The following CAMSAP1 variants were observed in gnomAD, a reference collection of about 807,000 sequenced individuals.
CAMSAP1 encodes the protein calmodulin-regulated spectrin-associated protein 1.
Under a neutral mutation model 143.5 loss-of-function variants are expected in CAMSAP1, and 58 were observed. The observed-to-expected ratio is 0.40, with a 90% CI of 0.33 to 0.50. The LOEUF (loss-of-function observed/expected upper bound fraction) is 0.50. Among genes scored for constraint, CAMSAP1 ranks in the 20% least tolerant of loss-of-function variants. The probability of loss-of-function intolerance (pLI) is 0.45; values close to 1 mark genes in which losing one functional copy is unlikely to be tolerated. For synonymous variants in CAMSAP1, 945 were observed against 859.3 expected (o/e 1.10, Z -1.74); for missense variants, 1,969 against 2,115.7 (o/e 0.93, Z 1.36).
intron 3 of CAMSAP1, among the ~76,000 whole-genome samples, chr9:135,875,609 C>T (rs767015487): frequency 1.8e-4 from 27 of 152,134 alleles, no homozygotes; most frequent in Non-Finnish European, 8.8e-5. Context: ...TCGGTGGAAC[C>T]GAATAGAATC....
chr9:135,838,803 C>T (rs112700095), intron 7 of CAMSAP1, among the ~76,000 whole-genome samples: 1 of 150,366 alleles, frequency 6.7e-6, no homozygotes, highest in Non-Finnish European at 1.5e-5. Context: ...CATGTCATCA[C>T]GCACTTTCTA....
intron 3 of CAMSAP1, among the ~76,000 whole-genome samples, chr9:135,878,883 A>G (rs996267466): frequency 2.6e-5 from 4 of 152,366 alleles, no homozygotes; most frequent in African/African-American, 7.2e-5. Flanking sequence ...AGAAAACAGT[A>G]AAATATGGAA....
rs1241261373 is a variant in CAMSAP1 at position 135,819,075 on chromosome 9, G to C, written c.3894C>G (p.Ala1298=). 16 of 1,604,260 alleles carry C rather than the reference G, an allele frequency of 1.0e-5. No homozygotes were observed. The highest frequency in any genetic ancestry group is 1.4e-5 in the Non-Finnish European group (16 of 1,177,082). Residue 1298 remains alanine, a synonymous_variant, in exon 12 of 17, where the codon GCC becomes GCG. Coordinates refer to ENST00000389532, the MANE Select transcript of CAMSAP1 (RefSeq NM_015447.4). ...AAFLLKQQRK[A]EEARVRKQQL... ...GCTGCTTGCGCACGCGGGCCTCCTC[G>C]GCCTTGCGCTGCTGCTTCAGGAGGA...
chr9:135,875,173 A>G (rs1837698102), intron 3 of CAMSAP1, among the ~76,000 whole-genome samples: 1 of 152,110 alleles, frequency 6.6e-6, no homozygotes, highest in African/African-American at 2.4e-5. Context: ...CTCTAAAATT[A>G]AGGGTAGGCA....
intron 3 of CAMSAP1, among the ~76,000 whole-genome samples, chr9:135,867,477 CTT>C (rs547781628): frequency 8.6e-5 from 12 of 139,540 alleles, no homozygotes; most frequent in African/African-American, 2.4e-4. Context: ...AGACCCCCCT[CTT>C]TTTTTTTTTT....
rs1417106097 is a variant in CAMSAP1, at chr9:135,824,557, T to C, written c.1315+232A>G. Among the ~76,000 whole-genome samples the C allele has an allele frequency of 6.6e-6, 1 of 152,008 alleles. No individual in the cohort carries two copies. The highest frequency in any genetic ancestry group is 1.9e-4 in the East Asian group (1 of 5,186). ...GCATGCGCCTATAATCCCAGCTATGTGGGAGGCTGAGGCAGGAGAATTGCT... is the reference window on the plus strand; with the variant it reads ...GCATGCGCCTATAATCCCAGCTATGCGGGAGGCTGAGGCAGGAGAATTGCT... On this transcript the variant is annotated intron_variant, in intron 9 of 16. Coordinates refer to ENST00000389532, the MANE Select transcript of CAMSAP1 (RefSeq NM_015447.4). The surrounding 1 kb of genome is among the most constrained non-coding windows in gnomAD (Gnocchi z 4.1).
In CAMSAP1 at chr9:135,823,300, A is replaced by G. The variant is rs552674722; in HGVS notation, c.1401-40T>C. On this transcript the variant is annotated intron_variant, in intron 10 of 16. Coordinates refer to ENST00000389532, the MANE Select transcript of CAMSAP1 (RefSeq NM_015447.4). ...AGGCCCACTGGGTGCGCTGCGGTATACACCAAAGACCCCCAACATGGACCA... is the reference window on the plus strand; with the variant it reads ...AGGCCCACTGGGTGCGCTGCGGTATGCACCAAAGACCCCCAACATGGACCA... 2.6e-6 allele frequency: 4 copies of G among 1,516,084 alleles called. No homozygotes were observed. In the African/African-American group the frequency reaches 5.6e-5, roughly 21 times the overall value. The allele number at this position is 1,516,084 out of a possible 1,614,324, so 93.9% of individuals were successfully genotyped here.
chr9:135,864,183 T>C (rs571902151), intron 4 of CAMSAP1, among the ~76,000 whole-genome samples: 2 of 152,326 alleles, frequency 1.3e-5, no homozygotes, highest in South Asian at 4.1e-4. Context: ...TGGTAACATG[T>C]TTCTGTTTTT....
intron 4 of CAMSAP1, among the ~76,000 whole-genome samples, chr9:135,864,079 A>G (rs529710894): frequency 6.0e-4 from 92 of 152,198 alleles, no homozygotes; most frequent in African/African-American, 2.1e-3. Context: ...GCCTTTCCAC[A>G]CTTCTCCTCA....
intron 7 of CAMSAP1, among the ~76,000 whole-genome samples, chr9:135,840,098 G>A (rs967604115): frequency 1.3e-5 from 2 of 152,228 alleles, no homozygotes; most frequent in African/African-American, 4.8e-5. Context: ...ACCCCTTGCA[G>A]CCTGGAAGGG....
intron 7 of CAMSAP1, among the ~76,000 whole-genome samples, chr9:135,829,340 GAA>G (rs58931804): frequency 2.2e-5 from 3 of 134,152 alleles, no homozygotes; most frequent in African/African-American, 2.7e-5. Flanking sequence ...CATCTCTACT[GAA>G]AAAAAAAAAA....
At chr9:135,906,642 C>A (rs995394232) in intron 1 of CAMSAP1, among the ~76,000 whole-genome samples, 1 of 152,210 alleles carries the variant, frequency 6.6e-6, no homozygotes, top group African/African-American at 2.4e-5. Context: ...CGGGAAGCGG[C>A]GCCTCAGACG....
At chr9:135,856,298 G>A (rs1304000295) in intron 5 of CAMSAP1, among the ~76,000 whole-genome samples, 1 of 152,298 alleles carries the variant, frequency 6.6e-6, no homozygotes, top group East Asian at 1.9e-4. Flanking sequence ...GAGAGAGAAT[G>A]AGAGCCAAGC....
At position 135,820,995 on chromosome 9, in the gene CAMSAP1, G is replaced by A. The variant is rs542591480; in HGVS notation, c.3666C>T (p.Pro1222=). 2.9e-5 allele frequency: 47 copies of A among 1,612,596 alleles called. No homozygotes were observed. Among genetic ancestry groups the A allele is most frequent in the East Asian group, 2.9e-4 (13 of 44,854 alleles). ...CCCTGCTCCTCAGAGGCTCCTCCAC[G>A]GGGACGCTCTCTTTTCCCGAGACAT... ...SSDVSGKESV[P]VEEPLRSRAS... Residue 1222 remains proline, a synonymous_variant, in exon 11 of 17, where the codon CCC becomes CCT. Coordinates refer to ENST00000389532, the MANE Select transcript of CAMSAP1 (RefSeq NM_015447.4). This position sits in a 1 kb window ranked among gnomAD's most constrained non-coding sequence, Gnocchi z 4.4.
Position 135,818,385 on chromosome 9 carries a change from G to C in CAMSAP1, c.4168+23C>G. On this transcript the variant is annotated intron_variant, in intron 13 of 16. Transcript: ENST00000389532. The surrounding 1 kb of genome is among the most constrained non-coding windows in gnomAD (Gnocchi z 7.7). ...CCGCCCGCGGAAGGAAGCGCTGCCC[G>C]CGTGAGGGCCGGGGCTGCTTACGGG... The C allele has an allele frequency of 1.9e-6, 3 of 1,541,802 alleles. No homozygotes were observed. The highest frequency in any genetic ancestry group is 2.6e-6 in the Non-Finnish European group (3 of 1,147,040).
At chr9:135,888,943 C>T (rs1035880941) in intron 1 of CAMSAP1, among the ~76,000 whole-genome samples, 2 of 152,204 alleles carry the variant, frequency 1.3e-5, no homozygotes, top group Non-Finnish European at 2.9e-5. Flanking sequence ...GGCGCTGGCC[C>T]GGGCATGCCA....
At chr9:135,834,787 G>A (rs1035329653) in intron 7 of CAMSAP1, among the ~76,000 whole-genome samples, 3 of 152,180 alleles carry the variant, frequency 2.0e-5, no homozygotes, top group Admixed American at 6.5e-5. Context: ...CAAAGGTAGC[G>A]ATGTGAAGAG....
intron 1 of CAMSAP1, among the ~76,000 whole-genome samples, chr9:135,883,517 A>G (rs1838026149): frequency 1.3e-5 from 2 of 152,222 alleles, no homozygotes; most frequent in South Asian, 4.1e-4. Context: ...GCATGTGGGC[A>G]GGGCTGGCAT....
At chr9:135,854,678 T>C (rs1262052786) in intron 5 of CAMSAP1, among the ~76,000 whole-genome samples, 1 of 152,126 alleles carries the variant, frequency 6.6e-6, no homozygotes, top group Non-Finnish European at 1.5e-5. Context: ...GGTCTTGAAC[T>C]CCTGGGCTCA....
Sources: allele counts gnomAD v4.1 joint callset (sites outside exome capture counted in the v4.1 genomes callset), GRCh38; gene constraint gnomAD v4.1.1; non-coding constraint Gnocchi (gnomAD v3.1); transcripts MANE v1.5; gene names NCBI Gene and HGNC (gene_info 2026-07-23, HGNC 2026-07-21).